SLC39A8: variants seen among roughly 807,000 people sequenced by gnomAD.
The protein encoded by SLC39A8 is metal cation symporter ZIP8.
In SLC39A8, 15 loss-of-function variants were observed where a neutral mutation model predicts 40.4. The observed-to-expected ratio is 0.37, with a 90% CI of 0.25 to 0.57. The LOEUF (loss-of-function observed/expected upper bound fraction) is 0.57. Ranked by LOEUF, SLC39A8 falls within the 20% of genes least tolerant of loss-of-function variation. The probability of loss-of-function intolerance (pLI) is 0.75; values close to 1 mark genes in which losing one functional copy is unlikely to be tolerated. For synonymous variants in SLC39A8, 223 were observed against 221.6 expected (o/e 1.01, Z -0.06); for missense variants, 472 against 558.8 (o/e 0.84, Z 1.57).
At chr4:102,320,182 T>C (rs865963280) in intron 2 of SLC39A8, among the ~76,000 whole-genome samples, 1,643 of 96,224 alleles carry the variant, frequency 0.017, 22 homozygotes, top group Non-Finnish European at 0.027. Context: ...TATATATATA[T>C]ATATATATGT....
rs75886786 is a variant in SLC39A8, at chr4:102,253,848, G to A, written c.*299-418C>T. 7.2e-3 allele frequency among the ~76,000 whole-genome samples: 1,097 copies of A among 152,100 alleles called. 17 individuals carry two copies. Among genetic ancestry groups the A allele is most frequent in the African/African-American group, 0.025 (1,025 of 41,468 alleles). ...AAAGTGTGGCTATAGTGTGCGTACC[G>A]CTGAGTAGCCTGCCTTTCTTCAGTT... is the stretch of plus-strand genomic sequence containing the variant. On this transcript the variant is annotated intron_variant and NMD_transcript_variant, in intron 11 of 11. Transcript: ENST00000424970.
exon 12 of SLC39A8, chr4:102,253,329 T>C (rs1731635779): frequency 1.5e-6 from 1 of 679,530 alleles, no homozygotes; most frequent in Admixed American, 2.2e-5. Context: ...TCAATGGTCA[T>C]AACTATGTCA....
chr4:102,331,077 G>A (rs1267490687), intron 2 of SLC39A8, among the ~76,000 whole-genome samples: 1 of 152,148 alleles, frequency 6.6e-6, no homozygotes, highest in Admixed American at 6.5e-5. Context: ...CATACTGAAT[G>A]GGCAAAAGCT....
At chr4:102,298,439 AC>A (rs1278522573) in intron 6 of SLC39A8, among the ~76,000 whole-genome samples, 2 of 152,076 alleles carry the variant, frequency 1.3e-5, no homozygotes, top group African/African-American at 4.8e-5. Flanking sequence ...TTATGTAAGT[AC>A]CAGTCAATCA....
At chr4:102,309,637 T>C (rs1734339906) in intron 3 of SLC39A8, among the ~76,000 whole-genome samples, 1 of 152,068 alleles carries the variant, frequency 6.6e-6, no homozygotes, top group Non-Finnish European at 1.5e-5. Flanking sequence ...GTAGACAAGA[T>C]ATATACATGT....
At chr4:102,254,943 G>A (rs2148998127) in intron 11 of SLC39A8, among the ~76,000 whole-genome samples, 1 of 152,244 alleles carries the variant, frequency 6.6e-6, no homozygotes, top group South Asian at 2.1e-4. Flanking sequence ...TGTCACTGAG[G>A]AACAACCTTC....
At chr4:102,281,508 A>C (rs10020497) in intron 6 of SLC39A8, among the ~76,000 whole-genome samples, 7,261 of 152,264 alleles carry the variant, frequency 0.048, 566 homozygotes, top group African/African-American at 0.16. Flanking sequence ...GTGGCAGAGA[A>C]GATCTAGAAA....
chr4:102,325,729 A>T (rs891549903), intron 2 of SLC39A8, among the ~76,000 whole-genome samples: 1 of 151,972 alleles, frequency 6.6e-6, no homozygotes, highest in African/African-American at 2.4e-5. Context: ...ATGTACTTGT[A>T]TTTCAGTTTC....
At position 102,344,445 on chromosome 4, in the gene SLC39A8, T is replaced by C. The variant is rs1270008151; in HGVS notation, c.218A>G (p.Gln73Arg). 2 of 1,532,744 alleles carry C rather than the reference T, an allele frequency of 1.3e-6. No homozygotes were observed. The highest frequency in any genetic ancestry group is 1.8e-6 in the Non-Finnish European group (2 of 1,138,694). 94.9% of individuals were successfully genotyped at this position (1,532,744 alleles called of 1,614,324 possible). A position where few individuals can be genotyped will look rare whatever the true frequency, so the allele number is the denominator to read the frequency against. The change falls in exon 2 of 9, where the codon CAG (glutamine) becomes CGG (arginine). Residue 73 changes from glutamine (Q) to arginine (R), a missense_variant and splice_region_variant. Gln to Arg is a conservative substitution (Grantham distance 43). This residue lies in a region of SLC39A8 where 175 missense variants were observed against 160.5 expected (regional missense o/e 1.09). Transcript: ENST00000356736. ...GCTGCCCGGACCTGGCGGCCTTACCTGGTTGAAGTGCAGCTGGCCAGGCTC... is the reference window on the plus strand; with the variant it reads ...GCTGCCCGGACCTGGCGGCCTTACCCGGTTGAAGTGCAGCTGGCCAGGCTC... ...VPEPGQLHFNQCLTAEEIFSL... is the reference protein window; with the variant it reads ...VPEPGQLHFNRCLTAEEIFSL...
downstream of SLC39A8, among the ~76,000 whole-genome samples, chr4:102,258,350 G>C (rs1441125753): frequency 6.6e-6 from 1 of 152,058 alleles, no homozygotes; most frequent in African/African-American, 2.4e-5. Context: ...ATTCCTCACT[G>C]TCTGCTTGGG....
At chr4:102,299,978 C>T (rs148920105) in intron 6 of SLC39A8, among the ~76,000 whole-genome samples, 11 of 152,148 alleles carry the variant, frequency 7.2e-5, no homozygotes, top group African/African-American at 2.4e-4. Context: ...ACAGGAACGT[C>T]GAAGAGAAAA....
intron 3 of SLC39A8, among the ~76,000 whole-genome samples, chr4:102,311,394 C>A (rs1189532077): frequency 2.0e-5 from 3 of 152,036 alleles, no homozygotes; most frequent in Non-Finnish European, 4.4e-5. Flanking sequence ...CACTGTTACT[C>A]AGTGAAAAGA....
chr4:102,304,305 A>G lies in SLC39A8; in HGVS notation c.840+12T>C, dbSNP rs1220747579. On this transcript the variant is annotated intron_variant, in intron 6 of 8. Coordinates refer to ENST00000356736, the MANE Select transcript of SLC39A8 (RefSeq NM_001135146.2). ...TGCAGTATAATGAAGGAAAAATGGAATTAACATATACCTGTAGAGATACCA... is the reference window on the plus strand; with the variant it reads ...TGCAGTATAATGAAGGAAAAATGGAGTTAACATATACCTGTAGAGATACCA... The G allele has an allele frequency of 5.0e-6, 8 of 1,600,446 alleles. No homozygotes were observed.
At chr4:102,279,627 A>AT in intron 6 of SLC39A8, among the ~76,000 whole-genome samples, 1 of 152,310 alleles carries the variant, frequency 6.6e-6, no homozygotes, top group Admixed American at 6.5e-5. Flanking sequence ...GGTATTGTCG[A>AT]TGGGGGGGCC....
intron 8 of SLC39A8, among the ~76,000 whole-genome samples, chr4:102,265,011 G>T (rs1033838695): frequency 6.6e-6 from 1 of 152,118 alleles, no homozygotes; most frequent in Non-Finnish European, 1.5e-5. Context: ...AGGCTGTTTT[G>T]CTTTCTTATT....
intron 6 of SLC39A8, among the ~76,000 whole-genome samples, chr4:102,299,070 C>G (rs772721268): frequency 1.6e-4 from 25 of 151,956 alleles, no homozygotes; most frequent in African/African-American, 5.6e-4. Context: ...AAACTGAAGA[C>G]AGTTGGGAAG....
intron 2 of SLC39A8, among the ~76,000 whole-genome samples, chr4:102,317,984 A>G (rs1237091993): frequency 6.6e-6 from 1 of 152,158 alleles, no homozygotes; most frequent in Non-Finnish European, 1.5e-5. Context: ...CACACATAAT[A>G]GGGTAAGTGT....
chr4:102,265,244 T>C (rs1257113214), intron 8 of SLC39A8, among the ~76,000 whole-genome samples: 3 of 152,178 alleles, frequency 2.0e-5, no homozygotes, highest in African/African-American at 7.2e-5. Flanking sequence ...GGATTATTAA[T>C]TGGTGTAATT....
Position 102,262,106 on chromosome 4 carries a change from T to A in SLC39A8, c.*938A>T. 1 of 985,952 alleles carries A rather than the reference T, an allele frequency of 1.0e-6. No homozygotes were observed. The highest frequency in any genetic ancestry group is 1.2e-6 in the Non-Finnish European group (1 of 829,864). 61.1% of individuals were successfully genotyped at this position (985,952 alleles called of 1,614,324 possible). ...TGTTTTCCAGTTAATCTGTCCTTGA[T>A]GTACAGCAGTCCAGCTGTTGTTTTG... On this transcript the variant is annotated 3_prime_UTR_variant, in exon 9 of 9. Transcript: ENST00000356736.
Sources: gnomAD v4.1 joint callset for allele counts (sites outside exome capture counted in the v4.1 genomes callset) on GRCh38, gnomAD v4.1.1 for gene constraint, gnomAD v4.1.1 regional missense constraint, MANE v1.5 for transcripts, NCBI Gene and HGNC (gene_info 2026-07-23, HGNC 2026-07-21) for gene names.